Variants in REPS1 observed in about 807,000 individuals in gnomAD.
REPS1 encodes ralBP1-associated Eps domain-containing protein 1.
Under a neutral mutation model 100.9 loss-of-function variants are expected in REPS1, and 39 were observed. That is an observed-to-expected ratio of 0.39 (90% confidence interval 0.30 to 0.50). The LOEUF is 0.50. Among genes scored for constraint, REPS1 ranks in the 20% least tolerant of loss-of-function variants. The pLI is 0.86. For synonymous variants in REPS1, 324 were observed against 340.3 expected (o/e 0.95, Z 0.53); for missense variants, 821 against 968.5 (o/e 0.85, Z 2.02).
chr6:138,907,422 G>A, intron 19 of REPS1, 73 bp downstream of exon 19: 1 of 1,029,996 alleles, frequency 9.7e-7, no homozygotes, highest in Non-Finnish European at 1.5e-6. Context: ...GGAGGTATCT[G>A]AGGTCACATT....
chr6:138,978,108 C>CAA (rs763546686), intron 1 of REPS1, among the ~76,000 whole-genome samples: 3 of 135,284 alleles, frequency 2.2e-5, no homozygotes, highest in African/African-American at 8.6e-5. Context: ...TTTTTTTTTT[C>CAA]CTTATAAGTG....
chr6:138,906,229 C>T (rs948739750), intron 19 of REPS1, among the ~76,000 whole-genome samples: 12 of 152,176 alleles, frequency 7.9e-5, no homozygotes, highest in Non-Finnish European at 1.5e-5. Context: ...TAGAGTTATA[C>T]AACAATATCA....
At chr6:138,905,746 C>T (rs965399355) in intron 19 of REPS1, among the ~76,000 whole-genome samples, 4 of 152,094 alleles carry the variant, frequency 2.6e-5, no homozygotes, top group African/African-American at 7.2e-5. Flanking sequence ...GCAATAAACC[C>T]GCCCCCTGGT....
intron 1 of REPS1, among the ~76,000 whole-genome samples, chr6:138,968,582 C>A (rs1784141100): frequency 6.6e-6 from 1 of 152,164 alleles, no homozygotes; most frequent in Non-Finnish European, 1.5e-5. Context: ...TGTTCATGGA[C>A]CACTTGCACT....
intron 1 of REPS1, among the ~76,000 whole-genome samples, chr6:138,959,209 T>C (rs140290339): frequency 5.3e-5 from 8 of 152,254 alleles, no homozygotes; most frequent in South Asian, 2.1e-4. Context: ...GTTAAGTGCA[T>C]AGTGAGGTTC....
intron 8 of REPS1, among the ~76,000 whole-genome samples, chr6:138,933,927 C>T (rs1254189971): frequency 2.6e-5 from 4 of 151,906 alleles, no homozygotes; most frequent in Non-Finnish European, 4.4e-5. Flanking sequence ...TTGAAATAAA[C>T]GACGACGACA....
chr6:138,963,217 A>G (rs999675382), intron 1 of REPS1, among the ~76,000 whole-genome samples: 1 of 152,158 alleles, frequency 6.6e-6, no homozygotes, highest in African/African-American at 2.4e-5. Context: ...AACATTTTCT[A>G]TCCATCCCAC....
At chr6:138,960,582 T>C (rs1342561621) in intron 1 of REPS1, among the ~76,000 whole-genome samples, 3 of 152,208 alleles carry the variant, frequency 2.0e-5, no homozygotes, top group African/African-American at 7.2e-5. Flanking sequence ...AAGGTTCTCT[T>C]ATCTGCCTTT....
intron 8 of REPS1, among the ~76,000 whole-genome samples, chr6:138,936,492 T>C (rs1781845987): frequency 6.6e-6 from 1 of 152,004 alleles, no homozygotes; most frequent in Non-Finnish European, 1.5e-5. Context: ...AAATGGTGTA[T>C]CTTTACTAAT....
rs79893791 is a variant in REPS1 at position 138,960,294 on chromosome 6, T to C, written c.154-12381A>G. 9.0e-3 allele frequency among the ~76,000 whole-genome samples: 1,375 copies of C among 152,314 alleles called. 16 individuals are homozygous for C. The highest frequency in any genetic ancestry group is 0.031 in the African/African-American group (1,301 of 41,566). On this transcript the variant is annotated intron_variant, in intron 1 of 19. Coordinates refer to ENST00000450536, the MANE Select transcript of REPS1 (RefSeq NM_001286611.2). ...CTAGAGCAGTGATTCTTAGTAATTT[T>C]GGTCTTAGGATCCCTTATACATGCT... is the stretch of plus-strand genomic sequence containing the variant.
intron 1 of REPS1, 68 bp downstream of exon 1, chr6:138,987,462 C>T: frequency 1.4e-6 from 2 of 1,388,092 alleles, no homozygotes; most frequent in Non-Finnish European, 1.9e-6. Context: ...AATCGGCGCC[C>T]ACTCCCACTC....
At position 138,926,374 on chromosome 6, in the gene REPS1, A is replaced by C. The variant is rs770082570; in HGVS notation, c.1338+27T>G. 14 of 1,542,950 alleles carry C rather than the reference A, an allele frequency of 9.1e-6. No individual in the cohort carries two copies. The African/African-American group carries it at 1.4e-4, about 15-fold the overall frequency. Reference sequence around the variant, plus strand: ...ATTTGGGTTAATAAAATTAATCTCAAACAAGCAAGCTAAGTGATTGACTTA... The same window carrying C: ...ATTTGGGTTAATAAAATTAATCTCACACAAGCAAGCTAAGTGATTGACTTA... On this transcript the variant is annotated intron_variant, in intron 10 of 19. Transcript: ENST00000450536.
rs988823773 is a variant in REPS1 at position 138,987,964 on chromosome 6, G to A, written c.-282C>T. On this transcript the variant is annotated 5_prime_UTR_variant, in exon 1 of 20. Transcript: ENST00000450536. ...CGGCTCCGGCTCCGGCTCCGGCCGCGGGGAGGGTGCAGAGAAAGAGGCGGG... is the reference window on the plus strand; with the variant it reads ...CGGCTCCGGCTCCGGCTCCGGCCGCAGGGAGGGTGCAGAGAAAGAGGCGGG... 5.7e-5 allele frequency: 22 copies of A among 385,014 alleles called. No homozygotes were observed. The highest frequency in any genetic ancestry group is 1.0e-4 in the Non-Finnish European group (22 of 218,338). The allele number at this position is 385,014 out of a possible 1,614,324, so 23.8% of individuals were successfully genotyped here.
intron 8 of REPS1, among the ~76,000 whole-genome samples, chr6:138,930,898 TTAAAG>T (rs1429739086): frequency 1.3e-5 from 2 of 152,206 alleles, no homozygotes; most frequent in Non-Finnish European, 2.9e-5. Flanking sequence ...AAAATGGTTT[TTAAAG>T]TATTTTGAGG....
intron 8 of REPS1, among the ~76,000 whole-genome samples, chr6:138,938,288 A>C (rs2128467503): frequency 6.6e-6 from 1 of 152,248 alleles, no homozygotes; most frequent in East Asian, 1.9e-4. Context: ...TACCCCAACC[A>C]TGTTTGCATG....
chr6:138,915,898 T>C lies in REPS1; in HGVS notation c.1680A>G (p.Ser560=). 2 of 1,613,982 alleles carry C rather than the reference T, an allele frequency of 1.2e-6. No individual in the cohort carries two copies. Among genetic ancestry groups the C allele is most frequent in the Non-Finnish European group, 1.7e-6 (2 of 1,179,860 alleles). The change falls in exon 14 of 20, where the codon TCA becomes TCG. Residue 560 remains serine (S), a synonymous_variant. Transcript: ENST00000450536. ...AGGTCCGATTCATATCTAAAGATGA[T>C]GATCTAGAATGAGAGGGCTGTGGCC... The part of the protein sequence containing the change: ...PPRPQPSHSR[S]SSLDMNRTFT...
chr6:138,912,856 A>C lies in REPS1; in HGVS notation c.1880T>G (p.Phe627Cys). 1 of 1,614,128 alleles carries C rather than the reference A, an allele frequency of 6.2e-7. No homozygotes were observed. The highest frequency in any genetic ancestry group is 8.5e-7 in the Non-Finnish European group (1 of 1,180,004). The change falls in exon 16 of 20, where the codon TTT becomes TGT. Residue 627 changes from phenylalanine (F) to cysteine (C), a missense_variant. Phe to Cys is a radical substitution (Grantham distance 205). Coordinates refer to ENST00000450536, the MANE Select transcript of REPS1 (RefSeq NM_001286611.2). Reference protein sequence around the residue: ...SPQQIPEQPNFADFSQFEVFA... With the variant: ...SPQQIPEQPNCADFSQFEVFA... ...TACTTCAAACTGACTGAAATCTGCAAAATTTGGTTGCTCTGGTATCTGCTG... is the reference window on the plus strand; with the variant it reads ...TACTTCAAACTGACTGAAATCTGCACAATTTGGTTGCTCTGGTATCTGCTG...
At chr6:138,926,139 CAAAAT>C (rs1389136375) in intron 10 of REPS1, among the ~76,000 whole-genome samples, 1 of 152,030 alleles carries the variant, frequency 6.6e-6, no homozygotes, top group Non-Finnish European at 1.5e-5. Context: ...ATAAGGTTAA[CAAAAT>C]AGATTGTCAC....
intron 1 of REPS1, among the ~76,000 whole-genome samples, chr6:138,952,535 G>C (rs1393400872): frequency 6.6e-6 from 1 of 151,944 alleles, no homozygotes; most frequent in Non-Finnish European, 1.5e-5. Flanking sequence ...GAGTAGCTGG[G>C]ATTACAGGTG....
Sources: gnomAD v4.1 joint callset for allele counts (sites outside exome capture counted in the v4.1 genomes callset) on GRCh38, gnomAD v4.1.1 for gene constraint, MANE v1.5 for transcripts, NCBI Gene and HGNC (gene_info 2026-07-23, HGNC 2026-07-21) for gene names.